Variants in ADAMTS20 observed in about 807,000 individuals in gnomAD.
ADAMTS20 encodes the protein A disintegrin and metalloproteinase with thrombospondin motifs 20.
Under a neutral mutation model 260.1 loss-of-function variants are expected in ADAMTS20, and 225 were observed. That is an observed-to-expected ratio of 0.87 (90% CI 0.78 to 0.97). The LOEUF is 0.97. Ranked by LOEUF, ADAMTS20 falls within the 50% of genes least tolerant of loss-of-function variation. The probability of loss-of-function intolerance (pLI) is 0.00; values close to 1 mark genes in which losing one functional copy is unlikely to be tolerated. For synonymous variants in ADAMTS20, 802 were observed against 769.5 expected, an observed-to-expected ratio of 1.04 and a Z score of -0.70; for missense variants, 2,400 against 2,337.7, an observed-to-expected ratio of 1.03 and a Z score of -0.55.
At chr12:43,488,055 T>C (rs1436225404) in intron 7 of ADAMTS20, among the ~76,000 whole-genome samples, 1 of 152,014 alleles carries the variant, frequency 6.6e-6, no homozygotes, top group Non-Finnish European at 1.5e-5. Flanking sequence ...AAGCAGTTGT[T>C]TATTTTGAGG....
chr12:43,498,566 A>G (rs1231645741), intron 4 of ADAMTS20, among the ~76,000 whole-genome samples: 2 of 152,220 alleles, frequency 1.3e-5, no homozygotes, highest in East Asian at 3.8e-4. Flanking sequence ...ATCCATGTGT[A>G]TGTTTGAATA....
chr12:43,379,609 A>G (rs543745889), intron 31 of ADAMTS20, among the ~76,000 whole-genome samples: 2 of 152,324 alleles, frequency 1.3e-5, no homozygotes, highest in East Asian at 1.9e-4. Context: ...GGGAACCAAA[A>G]TTATTGGTTC....
At chr12:43,501,480 C>T (rs1193512574) in intron 4 of ADAMTS20, among the ~76,000 whole-genome samples, 1 of 69,230 alleles carries the variant, frequency 1.4e-5, no homozygotes, top group Non-Finnish European at 2.5e-5. Flanking sequence ...CGCGCGCGCG[C>T]GCACACACAC....
intron 15 of ADAMTS20, among the ~76,000 whole-genome samples, chr12:43,444,409 T>C (rs1941723384): frequency 1.3e-5 from 2 of 152,078 alleles, no homozygotes; most frequent in Non-Finnish European, 2.9e-5. Context: ...CAAGTTTTAG[T>C]TTGTAGTATA....
At chr12:43,522,405 C>A (rs557370357) in intron 3 of ADAMTS20, among the ~76,000 whole-genome samples, 1 of 152,310 alleles carries the variant, frequency 6.6e-6, no homozygotes, top group Non-Finnish European at 1.5e-5. Context: ...GACACAGAGC[C>A]AAAGCATGTC....
chr12:43,463,287 CTT>C (rs1157978926), intron 10 of ADAMTS20, among the ~76,000 whole-genome samples: 2 of 152,038 alleles, frequency 1.3e-5, no homozygotes, highest in Non-Finnish European at 2.9e-5. Context: ...AGTTTTCTCT[CTT>C]TACAAGATAT....
intron 3 of ADAMTS20, among the ~76,000 whole-genome samples, chr12:43,519,395 C>T (rs1482919894): frequency 2.8e-4 from 42 of 152,032 alleles, no homozygotes; most frequent in Non-Finnish European, 4.4e-5. Flanking sequence ...CCTCACTGCA[C>T]TTGTACAGGA....
chr12:43,423,759 A>C (rs1319975503), intron 28 of ADAMTS20: 1 of 702,522 alleles, frequency 1.4e-6, no homozygotes, highest in East Asian at 2.7e-5. Flanking sequence ...AGGGATAAGA[A>C]ATATGTTTCA....
intron 2 of ADAMTS20, among the ~76,000 whole-genome samples, chr12:43,536,187 G>A (rs1044291540): frequency 6.6e-6 from 1 of 152,026 alleles, no homozygotes; most frequent in Non-Finnish European, 1.5e-5. Context: ...TGAGACAAAT[G>A]AGGAAAAGAG....
intron 3 of ADAMTS20, among the ~76,000 whole-genome samples, chr12:43,513,810 G>A (rs966522227): frequency 2.7e-5 from 4 of 150,534 alleles, no homozygotes; most frequent in African/African-American, 7.3e-5. Flanking sequence ...CTATTGCAAG[G>A]ACAAAAAAAC....
At chr12:43,535,691 C>CT (rs998594747) in intron 2 of ADAMTS20, among the ~76,000 whole-genome samples, 4 of 152,020 alleles carry the variant, frequency 2.6e-5, no homozygotes, top group East Asian at 3.9e-4. Flanking sequence ...AGATACATAA[C>CT]TTTTTTTAAT....
intron 28 of ADAMTS20, 102 bp from the exon 29 acceptor site, chr12:43,399,335 G>C: frequency 2.9e-6 from 3 of 1,042,988 alleles, no homozygotes; most frequent in Non-Finnish European, 3.8e-6. Context: ...TAATTCCTTT[G>C]ATATTTTTAT....
In ADAMTS20 at chr12:43,439,900, CA is replaced by C; in HGVS notation, c.2459del (p.Leu820CysfsTer52). Reference protein sequence around the residue: ...STNRQEKELILQVLCVGNLYN... With the variant: ...STNRQEKELIXQVLCVGNLYN... ...TTACTGATGACTGAGAATTTACCTG[CA>C]AAATAAGTTCTTTCTCTTGTCGATT... On this transcript the variant is annotated frameshift_variant, in exon 17 of 39. Transcript: ENST00000389420. LOFTEE classifies it high-confidence loss of function. 6.2e-7 allele frequency: 1 copy of C among 1,603,412 alleles called. No individual in the cohort carries two copies. The highest frequency in any genetic ancestry group is 8.5e-7 in the Non-Finnish European group (1 of 1,174,860).
chr12:43,423,323 TGGTACCTGGACC>T lies in ADAMTS20; in HGVS notation c.4284+2179_4284+2190del, dbSNP rs1280014706. The stretch of plus-strand genomic sequence containing the variant: ...TTAAAAATAGGCAACAGGCCAGATT[TGGTACCTGGACC>T]ATAGTTTGCTGACCTCTAAAACAGA... On this transcript the variant is annotated intron_variant, in intron 28 of 38. Transcript: ENST00000389420. 1.2e-3 allele frequency: 203 copies of T among 167,846 alleles called. 1 individual carries two copies. The highest frequency in any genetic ancestry group is 4.6e-3 in the African/African-American group (194 of 41,846). 10.4% of individuals were successfully genotyped at this position (167,846 alleles called of 1,614,324 possible). A position where few individuals can be genotyped will look rare whatever the true frequency, so the allele number is the denominator to read the frequency against.
At chr12:43,442,946 C>T (rs1221373534) in intron 16 of ADAMTS20, among the ~76,000 whole-genome samples, 1 of 152,164 alleles carries the variant, frequency 6.6e-6, no homozygotes, top group East Asian at 1.9e-4. Context: ...ACTCATTAAG[C>T]AGTTGTTCCC....
Position 43,428,650 on chromosome 12 carries a change from T to A in ADAMTS20, c.3639A>T (p.Ala1213=). 2 of 1,593,342 alleles carry A rather than the reference T, an allele frequency of 1.3e-6. No individual in the cohort carries two copies. Among genetic ancestry groups the A allele is most frequent in the Non-Finnish European group, 1.7e-6 (2 of 1,168,688 alleles). Residue 1213 remains alanine, a synonymous_variant, in exon 25 of 39, where the codon GCA becomes GCT. Coordinates refer to ENST00000389420, the MANE Select transcript of ADAMTS20 (RefSeq NM_025003.5). ...GAATACTTACGGGTGACCAATCCCC[T>A]GCTTGCCACTCTCCACAAGGGGTAA... ...DCFTPCGEWQ[A]GDWSPCSASC...
chr12:43,446,184 A>G (rs900940110), intron 15 of ADAMTS20, among the ~76,000 whole-genome samples: 1 of 152,164 alleles, frequency 6.6e-6, no homozygotes, highest in African/African-American at 2.4e-5. Context: ...AAGTCATACC[A>G]AAAAAAGAAA....
In ADAMTS20 at chr12:43,551,904, C is replaced by G; in HGVS notation, c.18G>C (p.Trp6Cys). ...AGAGATGGTAGAGCAGCCCAGTCAG[C>G]CACTTGGCCACCCACATGGTTCCAC... MWVAK[W>C]LTGLLYHLSL... Residue 6 changes from tryptophan (W) to cysteine (C), a missense_variant, in exon 1 of 39, where the codon TGG becomes TGC. Physicochemically the swap from Trp to Cys is radical, Grantham distance 215 (BLOSUM62 -2). Transcript: ENST00000389420. This position sits in a 1 kb window ranked among gnomAD's most constrained non-coding sequence, Gnocchi z 4.6. The G allele has an allele frequency of 6.2e-7, 1 of 1,613,602 alleles. No homozygotes were observed. Among genetic ancestry groups the G allele is most frequent in the East Asian group, 2.2e-5 (1 of 44,846 alleles).
chr12:43,430,510 C>T, intron 22 of ADAMTS20, 39 bp from the exon 23 acceptor site: 1 of 1,572,320 alleles, frequency 6.4e-7, no homozygotes, highest in African/African-American at 1.4e-5. Flanking sequence ...ACATTGTTTC[C>T]CAAAAGTTAC....
Sources: gnomAD v4.1 joint callset for allele counts (sites outside exome capture counted in the v4.1 genomes callset) on GRCh38, gnomAD v4.1.1 for gene constraint, Gnocchi (gnomAD v3.1) non-coding constraint, MANE v1.5 for transcripts, NCBI Gene and HGNC (gene_info 2026-07-23, HGNC 2026-07-21) for gene names.